Variants in DNER observed in about 807,000 individuals in gnomAD.
DNER encodes delta/notch like EGF repeat containing.
In DNER, 33 loss-of-function variants were observed where a neutral mutation model predicts 78.2. That is an observed-to-expected ratio of 0.42 (90% CI 0.32 to 0.56). The LOEUF is 0.56. DNER is among the 20% of genes least tolerant of loss of function. The pLI is 0.11. For missense variants in DNER, 918 were observed against 975.3 expected (o/e 0.94, Z 0.78); for synonymous variants, 417 against 384.8 (o/e 1.08, Z -0.98).
At chr2:229,658,357 G>A (rs1359566170) in intron 1 of DNER, among the ~76,000 whole-genome samples, 2 of 152,176 alleles carry the variant, frequency 1.3e-5, no homozygotes, top group Admixed American at 6.5e-5. Flanking sequence ...GACGATGCAA[G>A]TTGCCCAAGT....
intron 8 of DNER, among the ~76,000 whole-genome samples, chr2:229,439,882 T>C (rs1168605511): frequency 6.6e-6 from 1 of 152,200 alleles, no homozygotes; most frequent in East Asian, 1.9e-4. Context: ...TCTGCTGTCC[T>C]CACAGACTCT....
intron 11 of DNER, among the ~76,000 whole-genome samples, chr2:229,369,050 A>G (rs1169371040): frequency 6.6e-6 from 1 of 152,190 alleles, no homozygotes; most frequent in South Asian, 2.1e-4. Flanking sequence ...CTTGCTTTCA[A>G]TCCAGCTCCT....
intron 5 of DNER, among the ~76,000 whole-genome samples, chr2:229,522,507 T>A (rs1187296902): frequency 1.3e-5 from 2 of 152,214 alleles, no homozygotes; most frequent in African/African-American, 4.8e-5. Context: ...TGATTGAATT[T>A]CCCTGAAAAA....
chr2:229,380,758 C>T (rs960191109), intron 11 of DNER, among the ~76,000 whole-genome samples: 1 of 151,920 alleles, frequency 6.6e-6, no homozygotes. Context: ...AACCCCTTCT[C>T]TACTAAAAAT....
intron 1 of DNER, among the ~76,000 whole-genome samples, chr2:229,600,794 T>A (rs1264318614): frequency 6.6e-6 from 1 of 152,156 alleles, no homozygotes; most frequent in African/African-American, 2.4e-5. Flanking sequence ...GAGCAACCCA[T>A]GCCAAGGCTA....
At chr2:229,563,434 C>G (rs1487578310) in intron 4 of DNER, among the ~76,000 whole-genome samples, 1 of 145,676 alleles carries the variant, frequency 6.9e-6, no homozygotes, top group African/African-American at 2.6e-5. Flanking sequence ...ATCATCCTCA[C>G]CCCATCACCA....
At chr2:229,535,161 T>G (rs770274118) in intron 5 of DNER, among the ~76,000 whole-genome samples, 2 of 152,208 alleles carry the variant, frequency 1.3e-5, no homozygotes, top group Non-Finnish European at 2.9e-5. Flanking sequence ...TCAGTTTTAA[T>G]TTAATGCATT....
chr2:229,573,804 A>G (rs762389985), intron 4 of DNER, among the ~76,000 whole-genome samples: 53 of 152,202 alleles, frequency 3.5e-4, no homozygotes, highest in Non-Finnish European at 6.6e-4. Flanking sequence ...TGAAAGCAGC[A>G]ACCCCCTGTT....
At chr2:229,397,313 T>C (rs927271782) in intron 10 of DNER, among the ~76,000 whole-genome samples, 1 of 151,974 alleles carries the variant, frequency 6.6e-6, no homozygotes, top group Non-Finnish European at 1.5e-5. Flanking sequence ...GATTAGGTGC[T>C]GGAGAAGGCA....
intron 10 of DNER, among the ~76,000 whole-genome samples, chr2:229,392,416 T>C (rs1260981842): frequency 6.6e-6 from 1 of 152,174 alleles, no homozygotes; most frequent in Non-Finnish European, 1.5e-5. Context: ...GTGGTTTCAC[T>C]GGCTTGAGGA....
chr2:229,410,855 G>A (rs530637679), intron 9 of DNER, among the ~76,000 whole-genome samples: 45 of 152,232 alleles, frequency 3.0e-4, no homozygotes, highest in South Asian at 1.7e-3. Context: ...TCCAAGAAAC[G>A]AAGCCAGTAA....
rs769408536 is a variant in DNER, at chr2:229,418,224, T to C, written c.1493A>G (p.His498Arg). Residue 498 changes from histidine (H) to arginine (R), a missense_variant, in exon 9 of 13, where the codon CAT (histidine) becomes CGT (arginine). Physicochemically the swap from His to Arg is conservative, Grantham distance 29. Transcript: ENST00000341772. ...ATATTCCTCCTCACAGTAGAGGCCA[T>C]GGTAACCTGAGGGACAGAGAGAAAG... Reference protein sequence around the residue: ...SYKCLCDPGYHGLYCEEEYNE... With the variant: ...SYKCLCDPGYRGLYCEEEYNE... The C allele has an allele frequency of 6.2e-7, 1 of 1,613,946 alleles. No individual in the cohort carries two copies. Among genetic ancestry groups the C allele is most frequent in the South Asian group, 1.1e-5 (1 of 91,062 alleles).
chr2:229,506,768 G>T (rs1356680634), intron 6 of DNER, among the ~76,000 whole-genome samples: 1 of 151,256 alleles, frequency 6.6e-6, no homozygotes, highest in Non-Finnish European at 1.5e-5. Context: ...AACATGCGGT[G>T]TTTGGTTTTC....
intron 1 of DNER, among the ~76,000 whole-genome samples, chr2:229,653,226 G>A (rs1014541675): frequency 1.1e-4 from 16 of 152,304 alleles, no homozygotes; most frequent in Admixed American, 1.0e-3. Flanking sequence ...CTGGCTTTGG[G>A]AGGCAGCCGC....
rs957851311 is a variant in DNER, at chr2:229,358,270, G to T, written c.*270C>A. 3.2e-5 allele frequency: 7 copies of T among 221,026 alleles called. No homozygotes were observed. In the East Asian group the frequency reaches 6.8e-4, roughly 21 times the overall value. 13.7% of individuals were successfully genotyped at this position (221,026 alleles called of 1,614,324 possible). A position where few individuals can be genotyped will look rare whatever the true frequency, so the allele number is the denominator to read the frequency against. ...AACCACAGAAATTAATCTGGGTCTC[G>T]TGATAGTGTCTACAGTGAAAAGAGC... On this transcript the variant is annotated 3_prime_UTR_variant, in exon 13 of 13. Coordinates refer to ENST00000341772, the MANE Select transcript of DNER (RefSeq NM_139072.4).
At chr2:229,388,479 G>T in intron 10 of DNER, 83 bp from the exon 11 acceptor site, 1 of 1,481,982 alleles carries the variant, frequency 6.7e-7, no homozygotes, top group South Asian at 1.4e-5. Flanking sequence ...AAAGATCCAA[G>T]GCTAGGGGTC....
intron 1 of DNER, among the ~76,000 whole-genome samples, chr2:229,710,034 A>G (rs1171755031): frequency 6.6e-6 from 1 of 152,160 alleles, no homozygotes; most frequent in Non-Finnish European, 1.5e-5. Context: ...TTTCAAACCT[A>G]TCAGAAACAT....
At chr2:229,411,844 A>C (rs2106346229) in intron 9 of DNER, among the ~76,000 whole-genome samples, 1 of 152,274 alleles carries the variant, frequency 6.6e-6, no homozygotes, top group East Asian at 1.9e-4. Context: ...ACAATATAAA[A>C]TTGTAGGTAT....
chr2:229,381,122 G>C (rs1199865117), intron 11 of DNER, among the ~76,000 whole-genome samples: 2 of 152,020 alleles, frequency 1.3e-5, no homozygotes, highest in Non-Finnish European at 2.9e-5. Flanking sequence ...CCCATGGAGG[G>C]CGAGCAGAAG....
Sources: allele counts gnomAD v4.1 joint callset (sites outside exome capture counted in the v4.1 genomes callset), GRCh38; gene constraint gnomAD v4.1.1; transcripts MANE v1.5; gene names NCBI Gene and HGNC (gene_info 2026-07-23, HGNC 2026-07-21).